ANK2: variants seen among roughly 807,000 people sequenced by gnomAD.
The protein encoded by ANK2 is ankyrin 2.
ANK2 carries 83 observed loss-of-function variants against 360.5 expected under a neutral mutation model. The ratio of observed to expected loss-of-function variants is 0.23; its 90% CI spans 0.19 to 0.28. The LOEUF is 0.28. Among genes scored for constraint, ANK2 ranks in the 10% least tolerant of loss-of-function variants. ANK2 has a pLI of 1.00. For missense variants in ANK2, 4,201 were observed against 4,795.7 expected (o/e 0.88, Z 3.66); for synonymous variants, 1,740 against 1,759.5 (o/e 0.99, Z 0.28).
chr4:113,265,740 C>CTTTT (rs1455973544), intron 14 of ANK2, among the ~76,000 whole-genome samples: 1 of 152,084 alleles, frequency 6.6e-6, no homozygotes, highest in Non-Finnish European at 1.5e-5. Context: ...CTTCTATTTC[C>CTTTT]TTTTCCATGT....
intron 1 of ANK2, among the ~76,000 whole-genome samples, chr4:112,832,341 C>T (rs894045809): frequency 2.0e-5 from 3 of 152,218 alleles, no homozygotes; most frequent in East Asian, 1.9e-4. Flanking sequence ...GCATGAGCCA[C>T]AGTACCGGGC....
At chr4:113,138,896 C>G (rs1255778887) in intron 1 of ANK2, among the ~76,000 whole-genome samples, 1 of 151,990 alleles carries the variant, frequency 6.6e-6, no homozygotes, top group East Asian at 1.9e-4. Flanking sequence ...AAACACTGGC[C>G]AAATGCTAAT....
chr4:113,272,077 C>CT (rs1249988711), intron 14 of ANK2, among the ~76,000 whole-genome samples: 1 of 152,220 alleles, frequency 6.6e-6, no homozygotes, highest in East Asian at 1.9e-4. Flanking sequence ...TCATTTAGAA[C>CT]TTTAGTTAGA....
intron 2 of ANK2, among the ~76,000 whole-genome samples, chr4:113,013,031 A>G (rs545614191): frequency 6.6e-6 from 1 of 152,308 alleles, no homozygotes; most frequent in Non-Finnish European, 1.5e-5. Flanking sequence ...CTATAGCAAC[A>G]GTGTTGCTAG....
At chr4:113,093,283 A>G (rs2089449278) in intron 1 of ANK2, among the ~76,000 whole-genome samples, 1 of 152,202 alleles carries the variant, frequency 6.6e-6, no homozygotes, top group African/African-American at 2.4e-5. Context: ...CTGCAAACAC[A>G]TGTCCTGATT....
intron 2 of ANK2, among the ~76,000 whole-genome samples, chr4:113,018,688 G>A (rs1449337284): frequency 6.6e-6 from 1 of 152,214 alleles, no homozygotes; most frequent in Non-Finnish European, 1.5e-5. Context: ...ACCTGAGCAT[G>A]GGCGGTGTTT....
rs139863594 is a variant in ANK2 at position 113,094,554 on chromosome 4, G to A, written c.84+44742G>A. ...TGTGTGTGTGCATGCATGTGTGTGC[G>A]CGTGTGTGTATAAACATTGAAGCTG... On this transcript the variant is annotated intron_variant, in intron 1 of 45. Coordinates refer to ENST00000357077, the MANE Select transcript of ANK2 (RefSeq NM_001148.6). 7.0e-3 allele frequency among the ~76,000 whole-genome samples: 1,061 copies of A among 151,906 alleles called. 6 individuals are homozygous for A. The highest frequency in any genetic ancestry group is 0.024 in the African/African-American group (997 of 41,526).
chr4:113,244,741 AT>A (rs1177805172), intron 9 of ANK2, among the ~76,000 whole-genome samples: 1 of 152,032 alleles, frequency 6.6e-6, no homozygotes, highest in Admixed American at 6.6e-5. Flanking sequence ...TACAATAGGT[AT>A]TTCTCCTAAT....
Position 113,228,700 on chromosome 4 carries a change from C to T in ANK2, c.385-3461C>T, listed in dbSNP as rs2099254283. Among the ~76,000 whole-genome samples the T allele has an allele frequency of 2.0e-5, 3 of 152,092 alleles. No homozygotes were observed. In the South Asian group the frequency reaches 6.2e-4, roughly 32 times the overall value. On this transcript the variant is annotated intron_variant, in intron 4 of 45. Transcript: ENST00000357077. ...TGACTTCTTTTCCTCTGGGTAGATA[C>T]CCAGTAGTCTCCCTTGATATTTTTT...
chr4:113,292,854 A>T, intron 21 of ANK2: 1 of 391,444 alleles, frequency 2.6e-6, no homozygotes, highest in East Asian at 6.0e-5. Flanking sequence ...ACAGTAAGGG[A>T]GCTGCTAGCT....
chr4:113,265,091 C>G, intron 14 of ANK2, 96 bp downstream of exon 14: 1 of 1,128,634 alleles, frequency 8.9e-7, no homozygotes, highest in Non-Finnish European at 1.3e-6. Context: ...TTTGGAAATA[C>G]CAGGGACTGT....
At chr4:112,973,668 A>G (rs1049837633) in intron 2 of ANK2, among the ~76,000 whole-genome samples, 5 of 152,202 alleles carry the variant, frequency 3.3e-5, no homozygotes, top group Non-Finnish European at 5.9e-5. Flanking sequence ...AATTTAGGAT[A>G]GTGACTGAAA....
chr4:113,197,113 A>G (rs952522722), intron 3 of ANK2, among the ~76,000 whole-genome samples: 1 of 152,218 alleles, frequency 6.6e-6, no homozygotes, highest in African/African-American at 2.4e-5. Flanking sequence ...AAACTTCTCT[A>G]TGGAAAAGAA....
At chr4:112,987,873 A>G (rs1302457968) in intron 2 of ANK2, among the ~76,000 whole-genome samples, 1 of 152,144 alleles carries the variant, frequency 6.6e-6, no homozygotes, top group South Asian at 2.1e-4. Context: ...CTTTGTAACA[A>G]TTTTTAGGAA....
intron 1 of ANK2, among the ~76,000 whole-genome samples, chr4:112,902,846 T>C (rs1293180572): frequency 6.6e-6 from 1 of 152,210 alleles, no homozygotes; most frequent in African/African-American, 2.4e-5. Flanking sequence ...CTGTTGAAAT[T>C]ATAATCTTTT....
rs962372204 is a variant in ANK2 at position 112,863,456 on chromosome 4, A to G, written c.-39-40999A>G. 3.3e-5 allele frequency among the ~76,000 whole-genome samples: 5 copies of G among 151,696 alleles called. No homozygotes were observed. The South Asian group carries it at 6.2e-4, about 19-fold the overall frequency. On this transcript the variant is annotated intron_variant, in intron 1 of 30. Coordinates refer to the ANK2 transcript ENST00000503271. Reference sequence around the variant, plus strand: ...TCAGCATTATTTAAAAAATTACAAAATATTGGTTTTTGGAAATTCTTACAT... The same window carrying G: ...TCAGCATTATTTAAAAAATTACAAAGTATTGGTTTTTGGAAATTCTTACAT...
intron 4 of ANK2, among the ~76,000 whole-genome samples, chr4:113,224,633 G>A (rs2099192774): frequency 6.6e-6 from 1 of 152,152 alleles, no homozygotes; most frequent in Admixed American, 6.5e-5. Context: ...GCTTAGCAAT[G>A]TAACATTGAA....
At chr4:113,293,293 C>T (rs538347512) in intron 21 of ANK2, 147 bp from the exon 22 acceptor site, 53 of 745,742 alleles carry the variant, frequency 7.1e-5, no homozygotes, top group East Asian at 5.4e-4. Context: ...CAGATTTAGA[C>T]GTAATGGTAA....
chr4:112,844,403 A>G (rs1236385122), intron 1 of ANK2, among the ~76,000 whole-genome samples: 2 of 152,314 alleles, frequency 1.3e-5, no homozygotes, highest in East Asian at 3.9e-4. Flanking sequence ...TTATCTGCCC[A>G]AAGTAAAGCT....
Sources: gnomAD v4.1 joint callset for allele counts (sites outside exome capture counted in the v4.1 genomes callset) on GRCh38, gnomAD v4.1.1 for gene constraint, MANE v1.5 for transcripts, NCBI Gene and HGNC (gene_info 2026-07-23, HGNC 2026-07-21) for gene names.